Variants in RNF169 observed in about 807,000 individuals in gnomAD.
RNF169 encodes E3 ubiquitin-protein ligase RNF169.
RNF169 carries 24 observed loss-of-function variants against 53.9 expected under a neutral mutation model. The ratio of observed to expected loss-of-function variants is 0.45; its 90% CI spans 0.32 to 0.63. RNF169 has a LOEUF of 0.63. Ranked by LOEUF, RNF169 falls within the 20% of genes least tolerant of loss-of-function variation. The pLI is 0.04. For missense variants in RNF169, 883 were observed against 906.2 expected (o/e 0.97, Z 0.33); for synonymous variants, 396 against 363.5 (o/e 1.09, Z -1.02).
Position 74,836,525 on chromosome 11 carries a change from G to A in RNF169, c.1922G>A (p.Arg641Gln), listed in dbSNP as rs2036259937. The A allele has an allele frequency of 3.1e-6, 5 of 1,614,120 alleles. No homozygotes were observed. The highest frequency in any genetic ancestry group is 4.2e-6 in the Non-Finnish European group (5 of 1,180,036). Reference sequence around the variant, plus strand: ...CAAAATGGCTCCCTTAAAAAACTGCGACAAACCAGTGGGGAGGTGGGTCTG... The same window carrying A: ...CAAAATGGCTCCCTTAAAAAACTGCAACAAACCAGTGGGGAGGTGGGTCTG... ...LEQNGSLKKL[R>Q]QTSGEVGLAP... The change falls in exon 6 of 6, where the codon CGA becomes CAA. Residue 641 changes from arginine (R) to glutamine (Q), a missense_variant. Physicochemically the swap from Arg to Gln is conservative, Grantham distance 43. Around this residue, in one of 3 missense-constraint regions of RNF169, gnomAD observed 351 missense variants for 337.3 expected, o/e 1.04. Transcript: ENST00000299563.
intron 1 of RNF169, among the ~76,000 whole-genome samples, chr11:74,755,461 AATTC>A (rs2034967086): frequency 6.6e-6 from 1 of 152,258 alleles, no homozygotes. Flanking sequence ...TCATTCCACT[AATTC>A]AGTGAGCATT....
At chr11:74,750,273 CAT>C (rs1220553499) in intron 1 of RNF169, among the ~76,000 whole-genome samples, 1 of 152,184 alleles carries the variant, frequency 6.6e-6, no homozygotes, top group Non-Finnish European at 1.5e-5. Flanking sequence ...ACCCAGTCAA[CAT>C]AACATCTGCA....
Position 74,836,636 on chromosome 11 carries a change from G to T in RNF169, c.2033G>T (p.Arg678Leu). 1 of 1,614,058 alleles carries T rather than the reference G, an allele frequency of 6.2e-7. No homozygotes were observed. The highest frequency in any genetic ancestry group is 8.5e-7 in the Non-Finnish European group (1 of 1,180,046). ...EDRQLALQLQ[R>L]MFDNERRTVS... ...CGACAGTTGGCTCTGCAGTTGCAGC[G>T]CATGTTCGACAATGAGAGGCGGACT... The change falls in exon 6 of 6, where the codon CGC becomes CTC. Residue 678 changes from arginine to leucine, a missense_variant. By Grantham distance (102) the Arg-to-Leu change is moderately radical (BLOSUM62 -2). This residue lies in a region of RNF169 where 351 missense variants were observed against 337.3 expected (regional missense o/e 1.04). Transcript: ENST00000299563.
intron 2 of RNF169, among the ~76,000 whole-genome samples, chr11:74,803,554 C>G (rs1414931521): frequency 6.6e-6 from 1 of 152,162 alleles, no homozygotes; most frequent in Admixed American, 6.6e-5. Flanking sequence ...AGGGAATATA[C>G]ACTCTGGAGT....
chr11:74,835,552 A>G lies in RNF169; in HGVS notation c.949A>G (p.Thr317Ala), dbSNP rs751680346. 5.6e-6 allele frequency: 9 copies of G among 1,613,226 alleles called. No homozygotes were observed. The East Asian group carries it at 6.7e-5, about 12-fold the overall frequency. ...TCTTTTTAATCTCTTTCAGGTCACA[A>G]CTATGACTCCAGCCTCCAACCCCAT... ...AVPGNKAKVT[T>A]MTPASNPIIG... Residue 317 changes from threonine to alanine, a missense_variant, in exon 6 of 6, where the codon ACT becomes GCT. By Grantham distance (58) the Thr-to-Ala change is moderately conservative. Coordinates refer to ENST00000299563, the MANE Select transcript of RNF169 (RefSeq NM_001098638.2).
chr11:74,808,918 G>A (rs910884266), intron 2 of RNF169, among the ~76,000 whole-genome samples: 3 of 152,084 alleles, frequency 2.0e-5, no homozygotes, highest in Admixed American at 1.3e-4. Context: ...CAGAGTTGCC[G>A]GTACTTTTTT....
chr11:74,811,513 G>A (rs1350302357), intron 3 of RNF169, among the ~76,000 whole-genome samples: 1 of 152,180 alleles, frequency 6.6e-6, no homozygotes, highest in Non-Finnish European at 1.5e-5. Flanking sequence ...GGGATTACAG[G>A]CGTGAGCCCC....
chr11:74,773,414 C>G (rs529693905), intron 1 of RNF169, among the ~76,000 whole-genome samples: 1 of 152,060 alleles, frequency 6.6e-6, no homozygotes, highest in Non-Finnish European at 1.5e-5. Flanking sequence ...GCTTAGATGA[C>G]TTGATTATAG....
intron 1 of RNF169, among the ~76,000 whole-genome samples, chr11:74,781,696 A>G (rs545806301): frequency 2.6e-5 from 4 of 152,342 alleles, no homozygotes; most frequent in Non-Finnish European, 5.9e-5. Context: ...CTGCCTATGC[A>G]TGTCCTTTAT....
In RNF169 at chr11:74,749,009, T is replaced by C; in HGVS notation, c.129T>C (p.Ser43=). 6.7e-7 allele frequency: 1 copy of C among 1,499,430 alleles called. No homozygotes were observed. Among genetic ancestry groups the C allele is most frequent in the South Asian group, 1.3e-5 (1 of 79,544 alleles). 92.9% of individuals were successfully genotyped at this position (1,499,430 alleles called of 1,614,324 possible). Residue 43 remains serine (S), a synonymous_variant, in exon 1 of 6, where the codon TCT becomes TCC. Coordinates refer to ENST00000299563, the MANE Select transcript of RNF169 (RefSeq NM_001098638.2). ...AAKTGAPGPA[S]GPSLLVLSPP... is the part of the protein sequence containing the mutation. The stretch of plus-strand genomic sequence containing the variant: ...AGACTGGGGCCCCAGGCCCGGCTTC[T>C]GGACCTTCGCTGTTGGTGTTGTCGC...
Position 74,836,047 on chromosome 11 carries a change from A to G in RNF169, c.1444A>G (p.Thr482Ala), listed in dbSNP as rs778261448. The change falls in exon 6 of 6, where the codon ACA becomes GCA. Residue 482 changes from threonine to alanine, a missense_variant. Physicochemically the swap from Thr to Ala is moderately conservative, Grantham distance 58. This residue lies in a region of RNF169 where 351 missense variants were observed against 337.3 expected (regional missense o/e 1.04). Transcript: ENST00000299563. ...GGAGAAGCCACTTGTGGCTGTAAAT[A>G]CAAGATTATCTGGTGGGCAGGTCCT... ...SKEKPLVAVN[T>A]RLSGGQVLSE... 2.3e-5 allele frequency: 37 copies of G among 1,614,078 alleles called. No homozygotes were observed. Among genetic ancestry groups the G allele is most frequent in the Non-Finnish European group, 3.0e-5 (35 of 1,180,050 alleles).
At chr11:74,805,588 C>T (rs1005210903) in intron 2 of RNF169, among the ~76,000 whole-genome samples, 1 of 151,944 alleles carries the variant, frequency 6.6e-6, no homozygotes, top group East Asian at 1.9e-4. Flanking sequence ...ATAATAAGCT[C>T]GTTAAAGATA....
chr11:74,818,211 A>C (rs2035964156), intron 4 of RNF169, among the ~76,000 whole-genome samples: 1 of 152,174 alleles, frequency 6.6e-6, no homozygotes, highest in African/African-American at 2.4e-5. Flanking sequence ...TGGATAGATG[A>C]TGGGTGCTAG....
chr11:74,766,189 A>G (rs1221271406), intron 1 of RNF169, among the ~76,000 whole-genome samples: 1 of 152,232 alleles, frequency 6.6e-6, no homozygotes, highest in Non-Finnish European at 1.5e-5. Flanking sequence ...AGCTGACTCA[A>G]GAATAAATAG....
intron 3 of RNF169, among the ~76,000 whole-genome samples, chr11:74,811,723 C>G (rs1248168849): frequency 6.6e-6 from 1 of 152,126 alleles, no homozygotes; most frequent in Non-Finnish European, 1.5e-5. Context: ...CCAAAAGATT[C>G]AGTTTACAGG....
intron 3 of RNF169, 29 bp downstream of exon 3, chr11:74,810,359 C>A (rs779288019): frequency 4.4e-6 from 7 of 1,609,116 alleles, no homozygotes; most frequent in Non-Finnish European, 5.9e-6. Context: ...TAATGGATAC[C>A]TGCCTCAAAA....
At chr11:74,771,777 G>T (rs1285018320) in intron 1 of RNF169, among the ~76,000 whole-genome samples, 4 of 152,154 alleles carry the variant, frequency 2.6e-5, no homozygotes, top group Non-Finnish European at 5.9e-5. Flanking sequence ...AATGGGCTGG[G>T]CATGGTGGCT....
chr11:74,831,632 G>A (rs2074268992), intron 4 of RNF169: 1 of 147,622 alleles, frequency 6.8e-6, no homozygotes, highest in African/African-American at 2.5e-5. Flanking sequence ...TGCAGAAATG[G>A]ACAAACATAC....
chr11:74,812,998 T>C (rs2035894966), intron 3 of RNF169, among the ~76,000 whole-genome samples: 1 of 152,240 alleles, frequency 6.6e-6, no homozygotes, highest in Admixed American at 6.5e-5. Flanking sequence ...GCTCTTGCAA[T>C]TTTCATCTCA....
Sources: gnomAD v4.1 joint callset for allele counts (sites outside exome capture counted in the v4.1 genomes callset) on GRCh38, gnomAD v4.1.1 for gene constraint, gnomAD v4.1.1 regional missense constraint, MANE v1.5 for transcripts, NCBI Gene and HGNC (gene_info 2026-07-23, HGNC 2026-07-21) for gene names.